ACOT11: variants seen among roughly 807,000 people sequenced by gnomAD.
ACOT11 encodes acyl-coenzyme A thioesterase 11.
Under a neutral mutation model 77.5 loss-of-function variants are expected in ACOT11, and 69 were observed. That is an observed-to-expected ratio of 0.89 (90% CI 0.73 to 1.09). The LOEUF (loss-of-function observed/expected upper bound fraction) is 1.09, where lower values mean the gene tolerates loss of function less well. Among genes scored for constraint, ACOT11 ranks in the 50% least tolerant of loss-of-function variants. The pLI is 0.00. For synonymous variants in ACOT11, 279 were observed against 313.0 expected (o/e 0.89, Z 1.15); for missense variants, 766 against 813.7 (o/e 0.94, Z 0.71).
In ACOT11 at chr1:54,620,064, T is replaced by A. The variant is rs987930304; in HGVS notation, c.1630-10670T>A. On this transcript the variant is annotated intron_variant, in intron 15 of 16. Coordinates refer to the ACOT11 transcript ENST00000371316. ...TGTCCTCGCCCCAGCCCAAGACTCA[T>A]GTTCGTTCATCCCATGACCCTCCCT... 5.1e-6 allele frequency: 8 copies of A among 1,577,858 alleles called. No homozygotes were observed. The African/African-American group carries it at 8.1e-5, about 16-fold the overall frequency.
At chr1:54,635,100 G>T in exon 17 of ACOT11, 1 of 282,038 alleles carries the variant, frequency 3.5e-6, no homozygotes, top group Non-Finnish European at 6.6e-6. Context: ...TATAATTGAG[G>T]CATACCACCC....
chr1:54,616,584 C>G (rs1447746346), intron 15 of ACOT11, among the ~76,000 whole-genome samples: 1 of 152,096 alleles, frequency 6.6e-6, no homozygotes, highest in Non-Finnish European at 1.5e-5. Flanking sequence ...ATTGGCCAGG[C>G]TGCTCTCAGA....
At chr1:54,550,969 A>C (rs1380460110) in intron 1 of ACOT11, among the ~76,000 whole-genome samples, 3 of 151,760 alleles carry the variant, frequency 2.0e-5, no homozygotes, top group African/African-American at 7.3e-5. Context: ...GTGAAACCCC[A>C]TCTCTACCAA....
chr1:54,551,737 G>GTTT (rs979883776), intron 1 of ACOT11, among the ~76,000 whole-genome samples: 2 of 145,248 alleles, frequency 1.4e-5, no homozygotes, highest in African/African-American at 5.3e-5. Context: ...GTTTTGTTTT[G>GTTT]TTTTTGTTTT....
chr1:54,557,089 A>G (rs895533562), intron 1 of ACOT11, among the ~76,000 whole-genome samples: 1 of 151,802 alleles, frequency 6.6e-6, no homozygotes, highest in African/African-American at 2.4e-5. Flanking sequence ...ATTTAAAAAA[A>G]TTAAAAAAAA....
At chr1:54,635,369 G>A (rs1206863856) in exon 17 of ACOT11, 2 of 290,198 alleles carry the variant, frequency 6.9e-6, no homozygotes, top group Admixed American at 9.8e-5. Flanking sequence ...CTATTATCTG[G>A]AACCATGGCG....
intron 1 of ACOT11, among the ~76,000 whole-genome samples, chr1:54,562,647 A>T (rs945016437): frequency 7.5e-6 from 1 of 133,138 alleles, no homozygotes; most frequent in Non-Finnish European, 1.6e-5. Flanking sequence ...CTCACTTCTC[A>T]GACGGGGTGG....
At chr1:54,549,670 G>A (rs1360528985) in intron 1 of ACOT11, among the ~76,000 whole-genome samples, 1 of 152,230 alleles carries the variant, frequency 6.6e-6, no homozygotes, top group African/African-American at 2.4e-5. Context: ...CAGCCAGGGA[G>A]CAACACGAGG....
chr1:54,563,751 T>C (rs1319989280), intron 1 of ACOT11, among the ~76,000 whole-genome samples: 1 of 151,864 alleles, frequency 6.6e-6, no homozygotes, highest in Non-Finnish European at 1.5e-5. Context: ...AGACCTCATC[T>C]TACTAAAAAT....
intron 1 of ACOT11, among the ~76,000 whole-genome samples, chr1:54,569,923 A>G (rs933576039): frequency 3.3e-5 from 5 of 152,204 alleles, no homozygotes; most frequent in Non-Finnish European, 7.3e-5. Flanking sequence ...CACATGTTGA[A>G]TGGAGCAGGT....
rs538711831 is a variant in ACOT11 at position 54,605,063 on chromosome 1, C to T, written c.1237-13C>T. 1.2e-5 allele frequency: 19 copies of T among 1,610,188 alleles called. No individual in the cohort carries two copies. Among genetic ancestry groups the T allele is most frequent in the Non-Finnish European group, 1.5e-5 (18 of 1,178,510 alleles). ...ACCACCCAGCAAATGAGGCTGCCCT[C>T]TATCCCATGCAGGTCCGCCTGTACA... On this transcript the variant is annotated splice_polypyrimidine_tract_variant and intron_variant, in intron 12 of 15. Coordinates refer to ENST00000343744, the MANE Select transcript of ACOT11 (RefSeq NM_147161.4).
rs1644046762 is a variant in ACOT11 at position 54,607,802 on chromosome 1, T to TA, written c.1503-138dup. 1 of 1,183,392 alleles carries TA rather than the reference T, an allele frequency of 8.5e-7. No homozygotes were observed. Among genetic ancestry groups the TA allele is most frequent in the East Asian group, 2.4e-5 (1 of 41,246 alleles). 73.3% of individuals were successfully genotyped at this position (1,183,392 alleles called of 1,614,324 possible). On this transcript the variant is annotated intron_variant, in intron 14 of 15. Transcript: ENST00000343744. The surrounding 1 kb of genome is among the most constrained non-coding windows in gnomAD (Gnocchi z 4.5). ...GGCCCTGAGCCCCGCATTGGGGCTT[T>TA]AAGAGTCGATGTGCCTTGCATCCCC...
chr1:54,607,242 G>A lies in ACOT11; in HGVS notation c.1479G>A (p.Ser493=), dbSNP rs35914008. 0.02 allele frequency: 32,530 copies of A among 1,614,138 alleles called. 445 individuals carry two copies. The highest frequency in any genetic ancestry group is 0.054 in the East Asian group (2,411 of 44,870). ...TKPQDFVILA[S]RRKPCDNGDP... is the part of the protein sequence containing the mutation. ...CCCAGGACTTCGTGATCCTGGCCTC[G>A]AGGCGGAAGCCTTGTGACAATGGGT... The change falls in exon 14 of 16, where the codon TCG becomes TCA. Residue 493 remains serine (S), a synonymous_variant. Coordinates refer to ENST00000343744, the MANE Select transcript of ACOT11 (RefSeq NM_147161.4). This position sits in a 1 kb window ranked among gnomAD's most constrained non-coding sequence, Gnocchi z 4.5.
Position 54,609,425 on chromosome 1 carries a change from C to CA in ACOT11, c.*313_*314insA, listed in dbSNP as rs781648110. On this transcript the variant is annotated 3_prime_UTR_variant, in exon 16 of 16. Coordinates refer to ENST00000343744, the MANE Select transcript of ACOT11 (RefSeq NM_147161.4). The stretch of plus-strand genomic sequence containing the variant: ...GTTGTGCTCCACTGTGACGGTGGCC[C>CA]GGGGGGAGGATGCCAGCAGCCTGCC... 21 of 1,613,648 alleles carry CA rather than the reference C, an allele frequency of 1.3e-5. No individual in the cohort carries two copies. The highest frequency in any genetic ancestry group is 1.7e-5 in the Non-Finnish European group (20 of 1,180,030).
intron 1 of ACOT11, among the ~76,000 whole-genome samples, chr1:54,580,694 G>C (rs975225229): frequency 6.6e-6 from 1 of 152,160 alleles, no homozygotes; most frequent in Non-Finnish European, 1.5e-5. Context: ...TGCCAGGCAC[G>C]TGTCCCTGTC....
At chr1:54,595,936 T>C (rs1042877412) in intron 6 of ACOT11, among the ~76,000 whole-genome samples, 1 of 152,218 alleles carries the variant, frequency 6.6e-6, no homozygotes, top group African/African-American at 2.4e-5. Context: ...CCTCAAGCTA[T>C]GCCCTGAGTT....
chr1:54,623,048 T>C lies in ACOT11; in HGVS notation c.1630-7686T>C, dbSNP rs528886898. ...AAAATTAGCTGGGCGTGGTGGCGGG[T>C]GCCTGTAATCCCAGCTACTCGGGAG... On this transcript the variant is annotated intron_variant, in intron 15 of 16. Coordinates refer to the ACOT11 transcript ENST00000371316. Among the ~76,000 whole-genome samples the C allele has an allele frequency of 1.5e-3, 229 of 150,644 alleles. 1 individual carries two copies. Among genetic ancestry groups the C allele is most frequent in the African/African-American group, 5.4e-3 (221 of 41,020 alleles).
downstream of ACOT11, chr1:54,611,152 G>A: frequency 1.8e-6 from 1 of 560,042 alleles, no homozygotes; most frequent in Non-Finnish European, 2.3e-6. Flanking sequence ...ATGAATGTGT[G>A]GGTCAGGCAG....
downstream of ACOT11, chr1:54,611,170 A>ACC: frequency 2.2e-6 from 1 of 448,252 alleles, no homozygotes; most frequent in Non-Finnish European, 2.9e-6. Flanking sequence ...CAGGTGGCTC[A>ACC]TGCCTGTAAT....
Sources: gnomAD v4.1 joint callset for allele counts (sites outside exome capture counted in the v4.1 genomes callset) on GRCh38, gnomAD v4.1.1 for gene constraint, Gnocchi (gnomAD v3.1) non-coding constraint, MANE v1.5 for transcripts, NCBI Gene and HGNC (gene_info 2026-07-23, HGNC 2026-07-21) for gene names.